Variants in ASCC3 observed in about 807,000 individuals in gnomAD.
ASCC3 encodes the protein ASC-1 complex subunit P200.
ASCC3 carries 158 observed loss-of-function variants against 256.3 expected under a neutral mutation model. That is an observed-to-expected ratio of 0.62 (90% confidence interval 0.54 to 0.70). The LOEUF (loss-of-function observed/expected upper bound fraction) is 0.70. Ranked by LOEUF, ASCC3 falls within the 30% of genes least tolerant of loss-of-function variation. The pLI is 0.00. For missense variants in ASCC3, 2,259 were observed against 2,626.0 expected (o/e 0.86, Z 3.05); for synonymous variants, 948 against 883.4 (o/e 1.07, Z -1.30).
At chr6:100,711,509 C>A (rs1377194016) in intron 13 of ASCC3, among the ~76,000 whole-genome samples, 1 of 152,080 alleles carries the variant, frequency 6.6e-6, no homozygotes, top group African/African-American at 2.4e-5. Context: ...GGTGGATCAC[C>A]TGAGGTCGGG....
intron 11 of ASCC3, among the ~76,000 whole-genome samples, chr6:100,721,973 ATT>A (rs1034078063): frequency 1.3e-5 from 2 of 151,794 alleles, no homozygotes; most frequent in African/African-American, 4.8e-5. Flanking sequence ...AAGATCTTAC[ATT>A]TAAATCTTTA....
In ASCC3 at chr6:100,835,082, GA is replaced by G. The variant is rs77429395; in HGVS notation, c.801+13065del. Among the ~76,000 whole-genome samples the G allele has an allele frequency of 4.5e-3, 614 of 136,480 alleles. 1 individual carries two copies. Among genetic ancestry groups the G allele is most frequent in the African/African-American group, 0.011 (408 of 37,620 alleles). 89.5% of individuals were successfully genotyped at this position (136,480 alleles called of 152,430 possible). ...AGTGCCTACCCAATAAGCCTTCGAG[GA>G]AAAAAAAAAAAAGACACATTCTGAT... On this transcript the variant is annotated intron_variant, in intron 4 of 41. Coordinates refer to ENST00000369162, the MANE Select transcript of ASCC3 (RefSeq NM_006828.4).
rs775683908 is a variant in ASCC3 at position 100,652,838 on chromosome 6, G to A, written c.2875C>T (p.Arg959Ter). The A allele has an allele frequency of 5.0e-6, 8 of 1,613,668 alleles. No homozygotes were observed. Among genetic ancestry groups the A allele is most frequent in the Non-Finnish European group, 6.8e-6 (8 of 1,179,896 alleles). The change falls in exon 18 of 42, where the codon CGA becomes TGA. Residue 959 changes from arginine to a stop codon, truncating the protein, a stop_gained. Transcript: ENST00000369162. LOFTEE classifies it high-confidence loss of function. The part of the protein sequence containing the change: ...HREQLVIEVG[R>*]KLDKAQMIRF... The stretch of plus-strand genomic sequence containing the variant: ...ATCATCTGAGCTTTGTCTAGTTTTC[G>A]TCCAACTTCAATGACCAACTGTTCT...
intron 8 of ASCC3, among the ~76,000 whole-genome samples, chr6:100,774,371 C>CT (rs144009364): frequency 1.1e-3 from 156 of 144,794 alleles, no homozygotes; most frequent in Middle Eastern, 7.2e-3. Context: ...ACCTGACTAA[C>CT]TTTTTTTTTT....
chr6:100,714,106 C>T (rs976826578), intron 13 of ASCC3, among the ~76,000 whole-genome samples: 2 of 152,172 alleles, frequency 1.3e-5, no homozygotes, highest in Non-Finnish European at 1.5e-5. Flanking sequence ...TTTATTGGAA[C>T]ACAGTTGCAC....
chr6:100,874,418 A>T (rs1042149673), intron 1 of ASCC3, among the ~76,000 whole-genome samples: 11 of 137,276 alleles, frequency 8.0e-5, no homozygotes, highest in Admixed American at 2.4e-4. Context: ...GTGAGCAGAG[A>T]TCGCACCATT....
In ASCC3 at chr6:100,661,898, C is replaced by T; in HGVS notation, c.2611G>A (p.Asp871Asn). The T allele has an allele frequency of 6.2e-7, 1 of 1,613,382 alleles. No homozygotes were observed. The change falls in exon 16 of 42, where the codon GAT becomes AAT. Residue 871 changes from aspartate to asparagine, a missense_variant. Around this residue, in one of 2 missense-constraint regions of ASCC3, gnomAD observed 1,839 missense variants for 2,206.7 expected, o/e 0.83. Transcript: ENST00000369162. ...FGEGIIITTH[D>N]KLSHYLTLLT... is the part of the protein sequence containing the mutation. ...AAAGTGAGGTAATGGCTGAGTTTATCATGCGTTGTTATAATTATTCCTTCC... is the reference window on the plus strand; with the variant it reads ...AAAGTGAGGTAATGGCTGAGTTTATTATGCGTTGTTATAATTATTCCTTCC...
At chr6:100,712,596 T>C (rs1383254947) in intron 13 of ASCC3, among the ~76,000 whole-genome samples, 1 of 151,988 alleles carries the variant, frequency 6.6e-6, no homozygotes, top group African/African-American at 2.4e-5. Context: ...ATATCCAAAA[T>C]ATTGACAAAA....
chr6:100,575,038 G>A (rs1193605556), intron 36 of ASCC3, among the ~76,000 whole-genome samples: 3 of 151,906 alleles, frequency 2.0e-5, no homozygotes, highest in East Asian at 1.9e-4. Flanking sequence ...AGCTCTTCTC[G>A]CAAACCCTGG....
At chr6:100,698,585 G>A (rs1200443281) in intron 13 of ASCC3, among the ~76,000 whole-genome samples, 2 of 151,798 alleles carry the variant, frequency 1.3e-5, no homozygotes, top group Admixed American at 6.6e-5. Flanking sequence ...GAAGTTGGAT[G>A]GACATCTTAA....
chr6:100,567,759 T>C (rs1770345048), intron 36 of ASCC3, among the ~76,000 whole-genome samples: 1 of 152,168 alleles, frequency 6.6e-6, no homozygotes, highest in South Asian at 2.1e-4. Flanking sequence ...TAGTATTCCA[T>C]GGTGTATATG....
At chr6:100,666,868 T>G (rs775425797) in intron 14 of ASCC3, among the ~76,000 whole-genome samples, 5 of 152,078 alleles carry the variant, frequency 3.3e-5, no homozygotes, top group Middle Eastern at 3.4e-3. Context: ...AAAAAAGCAC[T>G]GTAAAGAATC....
rs1293697665 is a variant in ASCC3, at chr6:100,662,455, C to G, written c.2368G>C (p.Asp790His). The G allele has an allele frequency of 6.2e-7, 1 of 1,613,250 alleles. No homozygotes were observed. ...AACAAGTTTTCAACTAAATTTCTGTCCTGCCGAAGCATTCCTGCATGATGA... is the reference window on the plus strand; with the variant it reads ...AACAAGTTTTCAACTAAATTTCTGTGCTGCCGAAGCATTCCTGCATGATGA... ...SIHHAGMLRQ[D>H]RNLVENLFSN... The change falls in exon 15 of 42, where the codon GAC becomes CAC. Residue 790 changes from aspartate (D) to histidine (H), a missense_variant. Physicochemically the swap from Asp to His is moderately conservative, Grantham distance 81. This residue lies in a region of ASCC3 where 1,839 missense variants were observed against 2,206.7 expected (regional missense o/e 0.83). Coordinates refer to ENST00000369162, the MANE Select transcript of ASCC3 (RefSeq NM_006828.4).
chr6:100,650,857 G>T, intron 19 of ASCC3, 143 bp from the exon 20 acceptor site: 1 of 701,726 alleles, frequency 1.4e-6, no homozygotes. Context: ...AAATAACAAT[G>T]ATTTTTCCAT....
At chr6:100,741,130 T>C (rs1393816012) in intron 10 of ASCC3, among the ~76,000 whole-genome samples, 1 of 152,226 alleles carries the variant, frequency 6.6e-6, no homozygotes, top group Non-Finnish European at 1.5e-5. Flanking sequence ...TCTTTCTCCT[T>C]TGCTTATGAA....
intron 14 of ASCC3, among the ~76,000 whole-genome samples, chr6:100,670,360 A>G (rs1562213925): frequency 6.6e-6 from 1 of 151,868 alleles, no homozygotes; most frequent in Non-Finnish European, 1.5e-5. Context: ...GACACCACAA[A>G]CCATGGATGC....
intron 8 of ASCC3, among the ~76,000 whole-genome samples, chr6:100,781,847 A>C (rs1782466409): frequency 6.6e-6 from 1 of 152,078 alleles, no homozygotes; most frequent in South Asian, 2.1e-4. Context: ...TGTATTACAT[A>C]AGAAATATGT....
intron 10 of ASCC3, among the ~76,000 whole-genome samples, chr6:100,747,414 G>T (rs557626432): frequency 6.6e-6 from 1 of 151,982 alleles, no homozygotes; most frequent in Non-Finnish European, 1.5e-5. Context: ...GAATGCATGC[G>T]TCCATACAAA....
chr6:100,577,003 G>C (rs1770904069), intron 36 of ASCC3, among the ~76,000 whole-genome samples: 1 of 150,502 alleles, frequency 6.6e-6, no homozygotes, highest in Admixed American at 6.6e-5. Flanking sequence ...ATTAGTATCT[G>C]CAAGTATTAA....
Sources: allele counts gnomAD v4.1 joint callset (sites outside exome capture counted in the v4.1 genomes callset), GRCh38; gene constraint gnomAD v4.1.1; regional missense constraint gnomAD v4.1.1; transcripts MANE v1.5; gene names NCBI Gene and HGNC (gene_info 2026-07-23, HGNC 2026-07-21).